The following PGBD5 variants were observed in gnomAD, a reference collection of about 807,000 sequenced individuals.
PGBD5 encodes the protein piggyBac transposable element derived 5.
Under a neutral mutation model 47.9 loss-of-function variants are expected in PGBD5, and 14 were observed. The ratio of observed to expected loss-of-function variants is 0.29; its 90% CI spans 0.19 to 0.46. The LOEUF is 0.46. PGBD5 is among the 20% of genes least tolerant of loss of function. The pLI, the probability that PGBD5 is intolerant of heterozygous loss-of-function variation, is 1.00. For synonymous variants in PGBD5, 316 were observed against 306.3 expected (o/e 1.03, Z -0.33); for missense variants, 635 against 716.0 (o/e 0.89, Z 1.29).
chr1:230,369,682 T>C (rs1034216735), intron 1 of PGBD5, among the ~76,000 whole-genome samples: 1 of 152,028 alleles, frequency 6.6e-6, no homozygotes, highest in Non-Finnish European at 1.5e-5. Context: ...TCAGAGGCAG[T>C]AGGAAGGGTC....
chr1:230,325,360 C>A lies in PGBD5; in HGVS notation c.1329G>T (p.Ala443=). 1 of 1,613,740 alleles carries A rather than the reference C, an allele frequency of 6.2e-7. No homozygotes were observed. Among genetic ancestry groups the A allele is most frequent in the Non-Finnish European group, 8.5e-7 (1 of 1,179,844 alleles). ...GEIPCPLAVE[A]FAAHLSYICR... ...AGATGTAGCTCAGGTGAGCGGCAAA[C>A]GCCTCCACGGCCAAGGGGCATGGGA... Residue 443 remains alanine, a synonymous_variant, in exon 6 of 7, where the codon GCG becomes GCT. Coordinates refer to ENST00000391860, the MANE Select transcript of PGBD5 (RefSeq NM_001258311.2).
chr1:230,339,979 G>A (rs998678664), intron 3 of PGBD5, among the ~76,000 whole-genome samples: 1 of 152,126 alleles, frequency 6.6e-6, no homozygotes, highest in Non-Finnish European at 1.5e-5. Context: ...CAAGACGGTC[G>A]ATTTTAAGTG....
Position 230,323,377 on chromosome 1 carries a change from C to T in PGBD5, c.*48G>A, listed in dbSNP as rs747630929. 1 of 1,569,948 alleles carries T rather than the reference C, an allele frequency of 6.4e-7. No individual in the cohort carries two copies. Among genetic ancestry groups the T allele is most frequent in the Non-Finnish European group, 8.6e-7 (1 of 1,157,816 alleles). ...GATGGGCAAGTTGGAACGGCAGGCTCTCCTCCTCCTCTTGCCCCTCCCTTG... is the reference window on the plus strand; with the variant it reads ...GATGGGCAAGTTGGAACGGCAGGCTTTCCTCCTCCTCTTGCCCCTCCCTTG... On this transcript the variant is annotated 3_prime_UTR_variant, in exon 7 of 7. Transcript: ENST00000391860. This position sits in a 1 kb window ranked among gnomAD's most constrained non-coding sequence, Gnocchi z 4.1.
rs889897009 is a variant in PGBD5, at chr1:230,344,333, A to G, written c.894+6625T>C. Among the ~76,000 whole-genome samples the G allele has an allele frequency of 3.9e-5, 6 of 152,168 alleles. No individual in the cohort carries two copies. In the South Asian group the frequency reaches 1.2e-3, roughly 32 times the overall value. Reference sequence around the variant, plus strand: ...TCTAGAGTCAGAATGGCTGGGTTTAATCCCAGGTCTACTGCTTTGTAGATC... The same window carrying G: ...TCTAGAGTCAGAATGGCTGGGTTTAGTCCCAGGTCTACTGCTTTGTAGATC... On this transcript the variant is annotated intron_variant, in intron 3 of 6. Coordinates refer to ENST00000391860, the MANE Select transcript of PGBD5 (RefSeq NM_001258311.2).
At chr1:230,378,457 C>G (rs1209792782) in intron 1 of PGBD5, among the ~76,000 whole-genome samples, 1 of 152,236 alleles carries the variant, frequency 6.6e-6, no homozygotes, top group Non-Finnish European at 1.5e-5. Flanking sequence ...ATTGCTAGTT[C>G]ATATATGCTC....
intron 1 of PGBD5, among the ~76,000 whole-genome samples, chr1:230,363,288 A>G (rs1667778229): frequency 6.6e-6 from 1 of 152,152 alleles, no homozygotes; most frequent in African/African-American, 2.4e-5. Flanking sequence ...TCAGGAAGAA[A>G]AGGATGGCTT....
At chr1:230,344,264 A>G (rs1667446519) in intron 3 of PGBD5, among the ~76,000 whole-genome samples, 1 of 152,100 alleles carries the variant, frequency 6.6e-6, no homozygotes. Context: ...CAGCCTGGGC[A>G]ACAGAGGGAG....
chr1:230,354,609 G>A (rs1358234890), intron 2 of PGBD5, among the ~76,000 whole-genome samples: 3 of 152,140 alleles, frequency 2.0e-5, no homozygotes, highest in Admixed American at 2.0e-4. Context: ...ATAAAAATAG[G>A]CTCCAAGGAG....
At chr1:230,345,287 T>G (rs1054994652) in intron 3 of PGBD5, among the ~76,000 whole-genome samples, 2 of 152,204 alleles carry the variant, frequency 1.3e-5, no homozygotes, top group Non-Finnish European at 1.5e-5. Flanking sequence ...TCCACCCACA[T>G]AGAGGGCACA....
In PGBD5 at chr1:230,351,099, G is replaced by A. The variant is rs1571835308; in HGVS notation, c.760-7C>T. 6.2e-7 allele frequency: 1 copy of A among 1,608,694 alleles called. No homozygotes were observed. Among genetic ancestry groups the A allele is most frequent in the Non-Finnish European group, 8.5e-7 (1 of 1,177,822 alleles). On this transcript the variant is annotated splice_region_variant and splice_polypyrimidine_tract_variant and intron_variant, in intron 2 of 6. Transcript: ENST00000391860. The stretch of plus-strand genomic sequence containing the variant: ...TCAGGGGTTCATGTAGCACCTGCCA[G>A]GAGGGAAAAAGCAGAGGCTCTCACG...
chr1:230,419,264 G>A (rs1657595242), intron 1 of PGBD5, among the ~76,000 whole-genome samples: 2 of 113,248 alleles, frequency 1.8e-5, no homozygotes, highest in African/African-American at 3.6e-5. Flanking sequence ...GCAGTGACAT[G>A]GATGCAGCTG....
rs1489276072 is a variant in PGBD5 at position 230,410,836 on chromosome 1, A to T, written c.331+14762T>A. ...ATAAAAGTTCAAACTAATAAAAAAT[A>T]AAAAAGGACACGTAAGCCCAAAGCT... is the stretch of plus-strand genomic sequence containing the variant. On this transcript the variant is annotated intron_variant, in intron 1 of 6. Transcript: ENST00000391860. 2.6e-5 allele frequency among the ~76,000 whole-genome samples: 4 copies of T among 152,298 alleles called. No homozygotes were observed. The East Asian group carries it at 7.7e-4, about 29-fold the overall frequency.
At chr1:230,369,134 G>A (rs1004434896) in intron 1 of PGBD5, among the ~76,000 whole-genome samples, 3 of 152,238 alleles carry the variant, frequency 2.0e-5, no homozygotes, top group African/African-American at 7.2e-5. Context: ...AAAGGTTCTG[G>A]CTCTTTCCAA....
At position 230,425,968 on chromosome 1, in the gene PGBD5, T is replaced by C. The variant is rs974128648; in HGVS notation, c.-40A>G. 8 of 877,352 alleles carry C rather than the reference T, an allele frequency of 9.1e-6. No homozygotes were observed. Among genetic ancestry groups the C allele is most frequent in the Non-Finnish European group, 1.1e-5 (8 of 748,742 alleles). The allele number at this position is 877,352 out of a possible 1,614,324, so 54.3% of individuals were successfully genotyped here. A position where few individuals can be genotyped will look rare whatever the true frequency, so the allele number is the denominator to read the frequency against. ...CCCGCGCGCCCGCCCCCACAGTGCC[T>C]CCCAGCCGCACACGCCGGGCCCTGG... On this transcript the variant is annotated 5_prime_UTR_variant, in exon 1 of 7. Transcript: ENST00000391860. This position sits in a 1 kb window ranked among gnomAD's most constrained non-coding sequence, Gnocchi z 4.7.
intron 1 of PGBD5, among the ~76,000 whole-genome samples, chr1:230,390,398 C>G (rs78668525): frequency 0.052 from 7,991 of 152,240 alleles, 231 homozygotes; most frequent in South Asian, 0.073. Flanking sequence ...CCTCCCAACC[C>G]CTCTCACCTC....
chr1:230,342,436 T>C (rs1667419482), intron 3 of PGBD5, among the ~76,000 whole-genome samples: 3 of 152,194 alleles, frequency 2.0e-5, no homozygotes, highest in African/African-American at 7.2e-5. Context: ...GCTATGAAGG[T>C]GAAAGTAATT....
At position 230,425,474 on chromosome 1, in the gene PGBD5, T is replaced by C. The variant is rs982713342; in HGVS notation, c.331+124A>G. ...ATCACCGCTCCTGCAGCCTCATTTG[T>C]TTCCGGAGAGACACCCACAAGCCAG... On this transcript the variant is annotated intron_variant, in intron 1 of 6. Coordinates refer to ENST00000391860, the MANE Select transcript of PGBD5 (RefSeq NM_001258311.2). This position sits in a 1 kb window ranked among gnomAD's most constrained non-coding sequence, Gnocchi z 4.7. The C allele has an allele frequency of 4.2e-6, 3 of 720,182 alleles. No individual in the cohort carries two copies. Among genetic ancestry groups the C allele is most frequent in the Non-Finnish European group, 5.7e-6 (3 of 528,690 alleles). The allele number at this position is 720,182 out of a possible 1,614,324, so 44.6% of individuals were successfully genotyped here.
intron 1 of PGBD5, among the ~76,000 whole-genome samples, chr1:230,404,035 G>C (rs1657209602): frequency 6.6e-6 from 1 of 152,176 alleles, no homozygotes; most frequent in African/African-American, 2.4e-5. Flanking sequence ...AAGAAAGGTG[G>C]GCACATAGGA....
intron 4 of PGBD5, among the ~76,000 whole-genome samples, chr1:230,335,045 A>G (rs1200872492): frequency 1.4e-5 from 2 of 141,240 alleles, no homozygotes; most frequent in Non-Finnish European, 3.1e-5. Flanking sequence ...ACACACAGGT[A>G]CACACACAGA....
Sources: gnomAD v4.1 joint callset for allele counts (sites outside exome capture counted in the v4.1 genomes callset) on GRCh38, gnomAD v4.1.1 for gene constraint, Gnocchi (gnomAD v3.1) non-coding constraint, MANE v1.5 for transcripts, NCBI Gene and HGNC (gene_info 2026-07-23, HGNC 2026-07-21) for gene names.